Variants in COL24A1 observed in about 807,000 individuals in gnomAD.
The protein encoded by COL24A1 is collagen type XXIV alpha 1 chain.
Under a neutral mutation model 253.9 loss-of-function variants are expected in COL24A1, and 224 were observed. The observed-to-expected ratio is 0.88, with a 90% CI of 0.79 to 0.99. COL24A1 has a LOEUF of 0.99. Ranked by LOEUF, COL24A1 falls within the 50% of genes least tolerant of loss-of-function variation. The pLI is 0.00. For synonymous variants in COL24A1, 685 were observed against 673.7 expected, an observed-to-expected ratio of 1.02 and a Z score of -0.26; for missense variants, 2,131 against 2,068.5, an observed-to-expected ratio of 1.03 and a Z score of -0.59.
At chr1:85,794,016 A>G (rs313733) in intron 47 of COL24A1, among the ~76,000 whole-genome samples, 113,842 of 152,030 alleles carry the variant, frequency 0.75, 45,126 homozygotes, top group Non-Finnish European at 0.89. Flanking sequence ...TGTAAGCAGC[A>G]AAAAAAATAA....
chr1:85,927,316 T>TGACG (rs1255801186), intron 24 of COL24A1, among the ~76,000 whole-genome samples: 2 of 151,818 alleles, frequency 1.3e-5, no homozygotes, highest in African/African-American at 4.8e-5. Context: ...AAGAAAGGGG[T>TGACG]GACGGACGGC....
At chr1:85,783,434 C>T in intron 51 of COL24A1, 62 bp downstream of exon 51, 1 of 1,396,140 alleles carries the variant, frequency 7.2e-7, no homozygotes, top group Non-Finnish European at 1.0e-6. Flanking sequence ...ATTTAGAGCT[C>T]TTAAGCCCTG....
intron 5 of COL24A1, among the ~76,000 whole-genome samples, chr1:86,097,446 TC>T (rs1344063368): frequency 3.4e-5 from 4 of 118,522 alleles, no homozygotes; most frequent in East Asian, 2.6e-4. Context: ...CTTCTCCTCC[TC>T]CCCCCTCCTC....
intron 37 of COL24A1, among the ~76,000 whole-genome samples, chr1:85,857,458 C>CAAAAAAAAAAAAAAAAA (rs57368737): frequency 1.1e-5 from 1 of 94,482 alleles, no homozygotes; most frequent in Non-Finnish European, 2.1e-5. Context: ...CCCTCTTCTC[C>CAAAAAAAAAAAAAAAAA]AAAAAAAAAA....
intron 51 of COL24A1, among the ~76,000 whole-genome samples, chr1:85,781,502 T>C (rs1669145218): frequency 6.6e-6 from 1 of 152,180 alleles, no homozygotes; most frequent in Non-Finnish European, 1.5e-5. Flanking sequence ...GTATAATTTC[T>C]AAAAAACTGA....
chr1:86,101,069 CT>C (rs1401468508), intron 5 of COL24A1, among the ~76,000 whole-genome samples: 2 of 152,116 alleles, frequency 1.3e-5, no homozygotes, highest in African/African-American at 4.8e-5. Context: ...TCATTTTTGT[CT>C]GGCATCTGAA....
intron 28 of COL24A1, among the ~76,000 whole-genome samples, chr1:85,905,911 C>A (rs1223070886): frequency 6.6e-6 from 1 of 152,002 alleles, no homozygotes; most frequent in Non-Finnish European, 1.5e-5. Context: ...ATTGGTTGAA[C>A]TTTCCCATTA....
chr1:86,003,508 C>T (rs1435526413), intron 19 of COL24A1, among the ~76,000 whole-genome samples: 1 of 152,092 alleles, frequency 6.6e-6, no homozygotes, highest in African/African-American at 2.4e-5. Flanking sequence ...ATATGACTAG[C>T]TGGAGGAGGA....
At chr1:85,860,612 G>T (rs924385062) in intron 37 of COL24A1, among the ~76,000 whole-genome samples, 3 of 152,138 alleles carry the variant, frequency 2.0e-5, no homozygotes, top group Non-Finnish European at 4.4e-5. Context: ...GTGGTGGTGG[G>T]TGCCTGTAGT....
At chr1:86,022,496 C>T (rs369791694) in intron 17 of COL24A1, 42 bp downstream of exon 17, 10 of 1,531,344 alleles carry the variant, frequency 6.5e-6, no homozygotes, top group South Asian at 2.3e-5. Context: ...TTTGAATTTA[C>T]ACTTTTTCAT....
At chr1:85,740,825 T>C (rs1664532298) in intron 57 of COL24A1, among the ~76,000 whole-genome samples, 1 of 145,100 alleles carries the variant, frequency 6.9e-6, no homozygotes, top group South Asian at 2.4e-4. Context: ...AGAATTATCC[T>C]AAGGCCGGGC....
chr1:85,949,044 G>A (rs7512890), intron 24 of COL24A1, among the ~76,000 whole-genome samples: 112,938 of 151,982 alleles, frequency 0.74, 42,051 homozygotes, highest in East Asian at 0.79. Context: ...ATCGGTTATC[G>A]TGACATATTG....
At chr1:85,984,023 A>G (rs538979212) in intron 20 of COL24A1, among the ~76,000 whole-genome samples, 1 of 151,990 alleles carries the variant, frequency 6.6e-6, no homozygotes, top group South Asian at 2.1e-4. Context: ...AAGTACTAAC[A>G]TTGTTGTTCA....
intron 2 of COL24A1, among the ~76,000 whole-genome samples, chr1:86,127,946 A>G (rs764502092): frequency 6.6e-6 from 1 of 152,104 alleles, no homozygotes; most frequent in African/African-American, 2.4e-5. Flanking sequence ...GGTTAGAACA[A>G]CCATCATTTT....
At chr1:85,743,211 G>T (rs1278026617) in intron 57 of COL24A1, among the ~76,000 whole-genome samples, 2 of 152,044 alleles carry the variant, frequency 1.3e-5, no homozygotes. Flanking sequence ...TTGACTTTTT[G>T]ATATCTTTCT....
In COL24A1 at chr1:85,858,619, CCCT is replaced by C. The variant is rs1463091655; in HGVS notation, c.3301-9216_3301-9214del. Reference sequence around the variant, plus strand: ...ATAACATATTTTCTCCTTATTTTCTCCCTCCTTCCTTCCTTCCTTCCTTCCTTC... The same window carrying C: ...ATAACATATTTTCTCCTTATTTTCTCCCTTCCTTCCTTCCTTCCTTCCTTC... On this transcript the variant is annotated intron_variant, in intron 37 of 59. Coordinates refer to ENST00000370571, the MANE Select transcript of COL24A1 (RefSeq NM_152890.7). Among the ~76,000 whole-genome samples, 33 of 137,898 alleles carry C rather than the reference CCCT, an allele frequency of 2.4e-4. No individual in the cohort carries two copies. In the Middle Eastern group the frequency reaches 0.012, roughly 49 times the overall value. The allele number at this position is 137,898 out of a possible 152,430, so 90.5% of individuals were successfully genotyped here.
At chr1:85,736,234 C>A (rs1223746253) in intron 58 of COL24A1, 1 of 450,512 alleles carries the variant, frequency 2.2e-6, no homozygotes, top group Admixed American at 2.4e-5. Context: ...AACCCCAGTC[C>A]CTGATTCCAA....
At chr1:85,824,024 C>T (rs1021386585) in intron 43 of COL24A1, among the ~76,000 whole-genome samples, 5 of 151,882 alleles carry the variant, frequency 3.3e-5, no homozygotes, top group African/African-American at 1.2e-4. Context: ...GTCCCAATCC[C>T]CAGAATCTGT....
chr1:85,894,594 C>T (rs1683463976), intron 31 of COL24A1, among the ~76,000 whole-genome samples: 1 of 151,906 alleles, frequency 6.6e-6, no homozygotes, highest in Non-Finnish European at 1.5e-5. Context: ...AACTTTTCCA[C>T]TCACTGCAAT....
Sources: gnomAD v4.1 joint callset for allele counts (sites outside exome capture counted in the v4.1 genomes callset) on GRCh38, gnomAD v4.1.1 for gene constraint, MANE v1.5 for transcripts, NCBI Gene and HGNC (gene_info 2026-07-23, HGNC 2026-07-21) for gene names.